Variants in CD109 observed in about 807,000 individuals in gnomAD.
CD109 encodes the protein CD109 molecule.
Under a neutral mutation model 165.8 loss-of-function variants are expected in CD109, and 149 were observed. The ratio of observed to expected loss-of-function variants is 0.90; its 90% confidence interval spans 0.79 to 1.03. The LOEUF is 1.03. Ranked by LOEUF, CD109 falls within the 50% of genes least tolerant of loss-of-function variation. CD109 has a pLI of 0.00. For missense variants in CD109, 1,712 were observed against 1,677.8 expected, an observed-to-expected ratio of 1.02 and a Z score of -0.36; for synonymous variants, 585 against 592.1, an observed-to-expected ratio of 0.99 and a Z score of 0.18.
chr6:73,709,477 A>G (rs955737055), intron 2 of CD109, among the ~76,000 whole-genome samples: 5 of 152,144 alleles, frequency 3.3e-5, no homozygotes, highest in African/African-American at 4.8e-5. Context: ...TTGACTTGGC[A>G]ATGTGAGTTG....
intron 15 of CD109, among the ~76,000 whole-genome samples, chr6:73,775,142 C>CT (rs1397623842): frequency 6.7e-6 from 1 of 149,950 alleles, no homozygotes; most frequent in African/African-American, 2.5e-5. Flanking sequence ...GCTGCTTTTG[C>CT]TTTTTTTAAA....
Position 73,787,329 on chromosome 6 carries a change from C to CAG in CD109, c.2434_2435dup (p.Ser812ArgfsTer38). The CAG allele has an allele frequency of 6.2e-7, 1 of 1,614,014 alleles. No homozygotes were observed. The highest frequency in any genetic ancestry group is 8.5e-7 in the Non-Finnish European group (1 of 1,179,920). On this transcript the variant is annotated frameshift_variant, in exon 21 of 33. Coordinates refer to ENST00000287097, the MANE Select transcript of CD109 (RefSeq NM_133493.5). LOFTEE classifies it high-confidence loss of function. ...GCCACCAGCAGACCCTTCTGGTTCCCAGTGAGGATGGGGCAACTGTTCTTT... is the reference window on the plus strand; with the variant it reads ...GCCACCAGCAGACCCTTCTGGTTCCCAGAGTGAGGATGGGGCAACTGTTCTTT...
chr6:73,709,369 T>G (rs905834088), intron 2 of CD109, among the ~76,000 whole-genome samples: 4 of 152,222 alleles, frequency 2.6e-5, no homozygotes, highest in Non-Finnish European at 5.9e-5. Flanking sequence ...TATCTCTGTT[T>G]TGGTACCAGT....
intron 5 of CD109, among the ~76,000 whole-genome samples, chr6:73,744,187 C>A (rs1183710448): frequency 6.6e-6 from 1 of 152,202 alleles, no homozygotes; most frequent in Non-Finnish European, 1.5e-5. Flanking sequence ...AAAATGTCTG[C>A]CTCATTTCTT....
chr6:73,759,584 T>C (rs529740373), intron 7 of CD109, among the ~76,000 whole-genome samples: 2 of 152,360 alleles, frequency 1.3e-5, no homozygotes, highest in South Asian at 4.1e-4. Context: ...GTTTCACAAT[T>C]ATTATAACCA....
intron 2 of CD109, among the ~76,000 whole-genome samples, chr6:73,720,640 A>G (rs1287618777): frequency 6.6e-6 from 1 of 152,210 alleles, no homozygotes; most frequent in Non-Finnish European, 1.5e-5. Flanking sequence ...ATATTCAATT[A>G]TTACTTGTCA....
chr6:73,702,185 AT>A (rs1281555695), intron 2 of CD109, among the ~76,000 whole-genome samples: 5 of 152,054 alleles, frequency 3.3e-5, no homozygotes, highest in Admixed American at 6.6e-5. Context: ...TTTTTTAAAG[AT>A]TTTTTAAAAA....
At chr6:73,795,074 G>C (rs1049396377) in intron 23 of CD109, among the ~76,000 whole-genome samples, 1 of 133,196 alleles carries the variant, frequency 7.5e-6, no homozygotes, top group African/African-American at 3.0e-5. Flanking sequence ...TGTCATGAAT[G>C]AACGTTGTAC....
At chr6:73,815,663 T>C (rs899362502) in intron 30 of CD109, among the ~76,000 whole-genome samples, 1 of 152,162 alleles carries the variant, frequency 6.6e-6, no homozygotes, top group African/African-American at 2.4e-5. Context: ...ACTTTTTAAG[T>C]TGACTCTTAA....
At chr6:73,747,135 C>T (rs1405736862) in intron 5 of CD109, among the ~76,000 whole-genome samples, 1 of 152,210 alleles carries the variant, frequency 6.6e-6, no homozygotes, top group African/African-American at 2.4e-5. Context: ...CTTCTTTCTT[C>T]CTCTACTTTG....
intron 22 of CD109, among the ~76,000 whole-genome samples, chr6:73,790,099 C>CTT (rs56024477): frequency 2.3e-5 from 3 of 130,058 alleles, no homozygotes; most frequent in Non-Finnish European, 4.7e-5. Context: ...GCTAAAAGTC[C>CTT]TTTTTTTTTT....
upstream of CD109, chr6:73,695,894 T>G (rs1770803376): frequency 5.3e-6 from 2 of 373,934 alleles, no homozygotes; most frequent in South Asian, 4.8e-5. Context: ...GCCGGGGAAG[T>G]GGGCGCGCTC....
At chr6:73,743,201 G>A (rs1772857334) in intron 5 of CD109, among the ~76,000 whole-genome samples, 1 of 152,222 alleles carries the variant, frequency 6.6e-6, no homozygotes, top group Non-Finnish European at 1.5e-5. Context: ...CTTCTCTGAT[G>A]CTTCAGATGC....
intron 7 of CD109, among the ~76,000 whole-genome samples, chr6:73,760,146 G>A (rs1162483462): frequency 6.6e-6 from 1 of 152,118 alleles, no homozygotes; most frequent in Non-Finnish European, 1.5e-5. Flanking sequence ...AGTGGCTCAC[G>A]CCTGTAATCC....
upstream of CD109, chr6:73,694,971 G>A (rs1337903409): frequency 2.0e-5 from 3 of 152,234 alleles, no homozygotes; most frequent in Non-Finnish European, 4.4e-5. Flanking sequence ...CTGTTCAGCA[G>A]GGAGAAAAAG....
chr6:73,816,036 C>T lies in CD109; in HGVS notation c.3911+913C>T, dbSNP rs537362163. On this transcript the variant is annotated intron_variant, in intron 30 of 32. Coordinates refer to ENST00000287097, the MANE Select transcript of CD109 (RefSeq NM_133493.5). ...TGAGCTGGCAGATGTTCTTCAAGGTCATCTCTGGGTGTTCATCCAGGTGGC... is the reference window on the plus strand; with the variant it reads ...TGAGCTGGCAGATGTTCTTCAAGGTTATCTCTGGGTGTTCATCCAGGTGGC... 2.0e-5 allele frequency among the ~76,000 whole-genome samples: 3 copies of T among 152,304 alleles called. No individual in the cohort carries two copies. In the South Asian group the frequency reaches 6.2e-4, roughly 32 times the overall value.
At chr6:73,762,596 C>A in intron 8 of CD109, 116 bp downstream of exon 8, 1 of 950,664 alleles carries the variant, frequency 1.1e-6, no homozygotes, top group South Asian at 1.7e-5. Flanking sequence ...AAGAGCTTTC[C>A]AGCATTGAAC....
intron 2 of CD109, among the ~76,000 whole-genome samples, chr6:73,707,702 G>A (rs1771334473): frequency 1.3e-5 from 2 of 151,914 alleles, no homozygotes; most frequent in African/African-American, 4.8e-5. Context: ...AAATTGAGAT[G>A]TGCCAGGAGT....
chr6:73,815,030 G>C lies in CD109; in HGVS notation c.3818G>C (p.Arg1273Thr), dbSNP rs768631957. Residue 1273 changes from arginine (R) to threonine (T), a missense_variant, in exon 30 of 33, where the codon AGA becomes ACA. By Grantham distance (71) the Arg-to-Thr change is moderately conservative. Coordinates refer to ENST00000287097, the MANE Select transcript of CD109 (RefSeq NM_133493.5). ...GCTTCTGGGTCTTCTAGAAGACGAA[G>C]ATCTATCCAAAATCAAGAAGCCTTT... is the stretch of plus-strand genomic sequence containing the variant. ...VKASGSSRRR[R>T]SIQNQEAFDL... 7.6e-6 allele frequency: 12 copies of C among 1,585,958 alleles called. No homozygotes were observed. In the East Asian group the frequency reaches 2.8e-4, roughly 37 times the overall value.
Sources: gnomAD v4.1 joint callset for allele counts (sites outside exome capture counted in the v4.1 genomes callset) on GRCh38, gnomAD v4.1.1 for gene constraint, MANE v1.5 for transcripts, NCBI Gene and HGNC (gene_info 2026-07-23, HGNC 2026-07-21) for gene names.